Variants in NTM observed in about 807,000 individuals in gnomAD.
NTM encodes neurotrimin.
In NTM, 13 loss-of-function variants were observed where a neutral mutation model predicts 42.1. That is an observed-to-expected ratio of 0.31 (90% CI 0.20 to 0.49). NTM has a LOEUF of 0.49. Among genes scored for constraint, NTM ranks in the 20% least tolerant of loss-of-function variants. The probability of loss-of-function intolerance (pLI) is 0.99; values close to 1 mark genes in which losing one functional copy is unlikely to be tolerated. For missense variants in NTM, 373 were observed against 452.8 expected, an observed-to-expected ratio of 0.82 and a Z score of 1.60; for synonymous variants, 187 against 179.2, an observed-to-expected ratio of 1.04 and a Z score of -0.35.
At chr11:131,668,979 A>T (rs2069609131) in intron 1 of NTM, among the ~76,000 whole-genome samples, 1 of 152,132 alleles carries the variant, frequency 6.6e-6, no homozygotes, top group Non-Finnish European at 1.5e-5. Flanking sequence ...GGTGGCCGGT[A>T]GGGGGAGCAC....
chr11:132,176,879 C>T (rs1170394678), intron 3 of NTM, among the ~76,000 whole-genome samples: 1 of 151,882 alleles, frequency 6.6e-6, no homozygotes, highest in South Asian at 2.1e-4. Flanking sequence ...CAGGGGCCCA[C>T]CACCACATCT....
At chr11:131,943,152 A>T (rs1001540708) in intron 2 of NTM, among the ~76,000 whole-genome samples, 3 of 151,884 alleles carry the variant, frequency 2.0e-5, no homozygotes, top group Non-Finnish European at 2.9e-5. Flanking sequence ...TCCACCATCT[A>T]CTTGGTGTTG....
chr11:132,048,816 T>C (rs941110217), intron 2 of NTM, among the ~76,000 whole-genome samples: 2 of 83,686 alleles, frequency 2.4e-5, no homozygotes, highest in South Asian at 5.0e-4. Context: ...CTTTTCTTTT[T>C]TCTTTTTTTT....
In NTM at chr11:132,335,242, A is replaced by G. The variant is rs1031761342; in HGVS notation, c.*96A>G. 2 of 1,326,570 alleles carry G rather than the reference A, an allele frequency of 1.5e-6. No individual in the cohort carries two copies. Among genetic ancestry groups the G allele is most frequent in the Non-Finnish European group, 2.1e-6 (2 of 966,238 alleles). The allele number at this position is 1,326,570 out of a possible 1,614,324, so 82.2% of individuals were successfully genotyped here. A position where few individuals can be genotyped will look rare whatever the true frequency, so the allele number is the denominator to read the frequency against. ...ACCGACAGCAACCAATCAGATATATACAAATGAAATTAGAAGAAACACAGC... is the reference window on the plus strand; with the variant it reads ...ACCGACAGCAACCAATCAGATATATGCAAATGAAATTAGAAGAAACACAGC... On this transcript the variant is annotated 3_prime_UTR_variant, in exon 9 of 9. Transcript: ENST00000683400.
chr11:131,942,254 C>A (rs1433294156), intron 2 of NTM, among the ~76,000 whole-genome samples: 1 of 152,188 alleles, frequency 6.6e-6, no homozygotes, highest in Admixed American at 6.5e-5. Context: ...CAAACTAACA[C>A]AACACATATT....
chr11:132,163,555 G>A (rs1272562088), intron 3 of NTM, among the ~76,000 whole-genome samples: 1 of 152,164 alleles, frequency 6.6e-6, no homozygotes, highest in East Asian at 1.9e-4. Flanking sequence ...GAAATGAGGA[G>A]ACCAACTAAC....
intron 2 of NTM, among the ~76,000 whole-genome samples, chr11:131,997,667 G>A (rs114065299): frequency 0.017 from 2,533 of 151,968 alleles, 73 homozygotes; most frequent in African/African-American, 0.057. Context: ...TTATCTTTTC[G>A]CTCTCTTTCT....
chr11:132,234,192 G>T (rs923558251), intron 4 of NTM, among the ~76,000 whole-genome samples: 3 of 152,178 alleles, frequency 2.0e-5, no homozygotes, highest in Non-Finnish European at 2.9e-5. Context: ...AGTTGGTTCT[G>T]GTTCTATCTA....
chr11:131,821,489 C>G (rs915338901), intron 1 of NTM, among the ~76,000 whole-genome samples: 1 of 152,216 alleles, frequency 6.6e-6, no homozygotes, highest in African/African-American at 2.4e-5. Context: ...TTTGCATTCT[C>G]ATGCTCACTA....
chr11:132,330,135 G>GT lies in NTM; in HGVS notation c.935-13dup. 6.4e-7 allele frequency: 1 copy of GT among 1,551,412 alleles called. No homozygotes were observed. ...CTGCTTTCGACCTTAACAGTGGCTT[G>GT]TTTTTAATTTCTTTTAGAAGTGAAA... is the stretch of plus-strand genomic sequence containing the variant. On this transcript the variant is annotated splice_polypyrimidine_tract_variant and intron_variant, in intron 7 of 8. Transcript: ENST00000683400.
chr11:132,191,460 A>G (rs542207242), intron 3 of NTM, among the ~76,000 whole-genome samples: 3 of 152,348 alleles, frequency 2.0e-5, no homozygotes, highest in African/African-American at 7.2e-5. Context: ...AAGCCATTTG[A>G]CTATACCCAG....
intron 1 of NTM, among the ~76,000 whole-genome samples, chr11:131,530,582 G>T (rs1207848587): frequency 6.6e-6 from 1 of 152,168 alleles, no homozygotes; most frequent in African/African-American, 2.4e-5. Flanking sequence ...ATTCACCCAA[G>T]AATAGAAGCT....
chr11:131,452,336 A>C (rs942740384), intron 1 of NTM, among the ~76,000 whole-genome samples: 3 of 152,174 alleles, frequency 2.0e-5, no homozygotes, highest in African/African-American at 7.2e-5. Context: ...CCCACAGTCC[A>C]TTGGTGGTCT....
Position 131,947,669 on chromosome 11 carries a change from G to T in NTM, c.167+36021G>T, listed in dbSNP as rs75271111. ...TTTTTTCAATTTATTTAGTGCCTTA[G>T]CCCTCAGGGGCCTTGTTTCCTCACA... is the stretch of plus-strand genomic sequence containing the variant. On this transcript the variant is annotated intron_variant, in intron 2 of 8. Coordinates refer to ENST00000683400, the MANE Select transcript of NTM (RefSeq NM_001352005.2). 5.5e-3 allele frequency among the ~76,000 whole-genome samples: 831 copies of T among 152,232 alleles called. 6 individuals carry two copies. The highest frequency in any genetic ancestry group is 0.019 in the African/African-American group (790 of 41,542).
rs536331855 is a variant in NTM at position 131,375,132 on chromosome 11, C to T, written c.82+4244C>T. On this transcript the variant is annotated intron_variant, in intron 1 of 8. Transcript: ENST00000683400. ...GGTCTGAACATAGCTCCATGGGGGACATGTACATCTAAGCTCAAATTTCTC... is the reference window on the plus strand; with the variant it reads ...GGTCTGAACATAGCTCCATGGGGGATATGTACATCTAAGCTCAAATTTCTC... 2.0e-5 allele frequency among the ~76,000 whole-genome samples: 3 copies of T among 152,258 alleles called. No homozygotes were observed. The East Asian group carries it at 5.8e-4, about 30-fold the overall frequency.
At chr11:131,433,314 A>G (rs892345196) in intron 1 of NTM, among the ~76,000 whole-genome samples, 3 of 152,108 alleles carry the variant, frequency 2.0e-5, no homozygotes, top group African/African-American at 4.8e-5. Flanking sequence ...ACTTTCCTAT[A>G]CAACATTCTG....
At chr11:131,759,013 T>C (rs2083730931) in intron 1 of NTM, among the ~76,000 whole-genome samples, 1 of 152,202 alleles carries the variant, frequency 6.6e-6, no homozygotes, top group Non-Finnish European at 1.5e-5. Context: ...AATAACTCCA[T>C]TTCATCTTTG....
chr11:131,774,953 C>T (rs2086728776), intron 1 of NTM, among the ~76,000 whole-genome samples: 1 of 152,214 alleles, frequency 6.6e-6, no homozygotes, highest in Non-Finnish European at 1.5e-5. Context: ...GCAGTGGTTT[C>T]CCTAGGTTCA....
intron 1 of NTM, among the ~76,000 whole-genome samples, chr11:131,866,146 A>G (rs1005288710): frequency 2.7e-5 from 4 of 150,014 alleles, no homozygotes; most frequent in African/African-American, 7.3e-5. Flanking sequence ...TGCATGCCGC[A>G]CACACACGGT....
Sources: gnomAD v4.1 joint callset for allele counts (sites outside exome capture counted in the v4.1 genomes callset) on GRCh38, gnomAD v4.1.1 for gene constraint, MANE v1.5 for transcripts, NCBI Gene and HGNC (gene_info 2026-07-23, HGNC 2026-07-21) for gene names.